The following SOX5 variants were observed in gnomAD, a reference collection of about 807,000 sequenced individuals.
SOX5 encodes SRY-box transcription factor 5.
Under a neutral mutation model 92.0 loss-of-function variants are expected in SOX5, and 9 were observed. That is an observed-to-expected ratio of 0.10 (90% CI 0.06 to 0.17). The LOEUF (loss-of-function observed/expected upper bound fraction) is 0.17, where lower values mean the gene tolerates loss of function less well. Ranked by LOEUF, SOX5 falls within the 10% of genes least tolerant of loss-of-function variation. SOX5 has a pLI of 1.00. For missense variants in SOX5, 642 were observed against 944.5 expected (o/e 0.68, Z 4.20); for synonymous variants, 344 against 336.3 (o/e 1.02, Z -0.25).
chr12:23,936,477 T>TATAC (rs1942580199), intron 1 of SOX5, among the ~76,000 whole-genome samples: 1 of 150,950 alleles, frequency 6.6e-6, no homozygotes, highest in Non-Finnish European at 1.5e-5. Context: ...TTAACTACTG[T>TATAC]AGCTTTTAAA....
At chr12:24,069,714 T>C (rs1305527863) in intron 4 of SOX5, among the ~76,000 whole-genome samples, 3 of 152,206 alleles carry the variant, frequency 2.0e-5, no homozygotes, top group African/African-American at 7.2e-5. Context: ...CTAATGCTTT[T>C]ACAAGGCTGG....
chr12:24,434,964 C>T (rs375257454), intron 1 of SOX5, among the ~76,000 whole-genome samples: 2 of 152,336 alleles, frequency 1.3e-5, no homozygotes, highest in East Asian at 1.9e-4. Flanking sequence ...GTTTTGCTTG[C>T]ATCCTTTCTC....
chr12:23,969,193 A>G (rs1947939480), intron 4 of SOX5, among the ~76,000 whole-genome samples: 2 of 152,154 alleles, frequency 1.3e-5, no homozygotes, highest in African/African-American at 4.8e-5. Context: ...CTATTTCCTA[A>G]GCATATCTCG....
chr12:24,371,937 G>A (rs375183427), intron 1 of SOX5, among the ~76,000 whole-genome samples: 8 of 151,914 alleles, frequency 5.3e-5, no homozygotes, highest in East Asian at 3.9e-4. Context: ...GCAGTGAGCC[G>A]AGATCATGCC....
chr12:24,217,380 G>T (rs542879071), intron 3 of SOX5, among the ~76,000 whole-genome samples: 88 of 152,308 alleles, frequency 5.8e-4, no homozygotes, highest in African/African-American at 1.9e-3. Context: ...TGACGTAAGA[G>T]AATTAGTGTT....
intron 3 of SOX5, among the ~76,000 whole-genome samples, chr12:24,252,452 C>T (rs11047330): frequency 0.15 from 22,812 of 151,516 alleles, 1,824 homozygotes; most frequent in Middle Eastern, 0.18. Context: ...TGAAAAGATT[C>T]GCTTTGGTGA....
intron 4 of SOX5, among the ~76,000 whole-genome samples, chr12:24,048,974 A>G (rs1283051196): frequency 6.6e-6 from 1 of 152,186 alleles, no homozygotes; most frequent in Non-Finnish European, 1.5e-5. Flanking sequence ...ATAATACTAA[A>G]AAAACCCACT....
intron 6 of SOX5, among the ~76,000 whole-genome samples, chr12:23,684,800 C>T (rs1175749662): frequency 6.6e-6 from 1 of 152,092 alleles, no homozygotes; most frequent in Non-Finnish European, 1.5e-5. Context: ...CCTAACTGTG[C>T]AACTGGCTTA....
intron 1 of SOX5, among the ~76,000 whole-genome samples, chr12:24,399,233 T>C (rs1356964220): frequency 6.6e-6 from 1 of 152,052 alleles, no homozygotes; most frequent in Non-Finnish European, 1.5e-5. Context: ...CTGAGCACAC[T>C]GCCTACAGCG....
intron 1 of SOX5, among the ~76,000 whole-genome samples, chr12:24,438,577 G>A (rs1939911949): frequency 6.6e-6 from 1 of 152,184 alleles, no homozygotes; most frequent in South Asian, 2.1e-4. Flanking sequence ...TGTGGTTCAT[G>A]AGAGGGGGTA....
At chr12:23,692,284 A>G (rs1256649943) in intron 6 of SOX5, among the ~76,000 whole-genome samples, 1 of 151,942 alleles carries the variant, frequency 6.6e-6, no homozygotes, top group Non-Finnish European at 1.5e-5. Flanking sequence ...AATTAAAAAA[A>G]AAATTAGACA....
intron 3 of SOX5, among the ~76,000 whole-genome samples, chr12:23,828,542 G>A (rs2096267740): frequency 6.6e-6 from 1 of 152,132 alleles, no homozygotes; most frequent in Non-Finnish European, 1.5e-5. Context: ...TGTTGTGTCA[G>A]TCTGTGCCAT....
At position 24,346,070 on chromosome 12, in the gene SOX5, G is replaced by A. The variant is rs376828936; in HGVS notation, c.-174+22493C>T. Reference sequence around the variant, plus strand: ...TCAACATTAAGTTTCAACTGTTCACGTCATCCCGTTAAGAATGTATTTCTG... The same window carrying A: ...TCAACATTAAGTTTCAACTGTTCACATCATCCCGTTAAGAATGTATTTCTG... On this transcript the variant is annotated intron_variant, in intron 2 of 4. Coordinates refer to the SOX5 transcript ENST00000446891. 3.9e-5 allele frequency among the ~76,000 whole-genome samples: 6 copies of A among 152,284 alleles called. No individual in the cohort carries two copies. In the East Asian group the frequency reaches 7.7e-4, roughly 20 times the overall value.
chr12:24,012,954 T>C (rs77791063), intron 4 of SOX5, among the ~76,000 whole-genome samples: 2,783 of 152,290 alleles, frequency 0.018, 102 homozygotes, highest in African/African-American at 0.064. Flanking sequence ...TAAGTAGCTA[T>C]TGCCATCTCA....
At chr12:24,125,585 GA>G (rs1188081018) in intron 4 of SOX5, among the ~76,000 whole-genome samples, 1 of 152,120 alleles carries the variant, frequency 6.6e-6, no homozygotes, top group Non-Finnish European at 1.5e-5. Context: ...GCAGTAAAAG[GA>G]AAACTTAGGG....
At chr12:24,095,600 A>G (rs535802216) in intron 4 of SOX5, among the ~76,000 whole-genome samples, 4 of 152,242 alleles carry the variant, frequency 2.6e-5, no homozygotes, top group South Asian at 4.1e-4. Flanking sequence ...AAATTGTATT[A>G]CAAGATTATC....
intron 4 of SOX5, among the ~76,000 whole-genome samples, chr12:24,057,909 T>C (rs1958290891): frequency 6.6e-6 from 1 of 152,322 alleles, no homozygotes. Flanking sequence ...CAACGTTAAT[T>C]TCTCCACAGT....
intron 1 of SOX5, among the ~76,000 whole-genome samples, chr12:24,464,588 G>T (rs190433861): frequency 6.6e-6 from 1 of 152,102 alleles, no homozygotes; most frequent in South Asian, 2.1e-4. Context: ...TGATCCACCC[G>T]CCTCGGCCTC....
chr12:24,061,459 C>T (rs1297647794), intron 4 of SOX5, among the ~76,000 whole-genome samples: 1 of 150,834 alleles, frequency 6.6e-6, no homozygotes, highest in Admixed American at 6.7e-5. Context: ...ATATGGAGGT[C>T]ATATCCATAA....
Sources: gnomAD v4.1 joint callset for allele counts (sites outside exome capture counted in the v4.1 genomes callset) on GRCh38, gnomAD v4.1.1 for gene constraint, MANE v1.5 for transcripts, NCBI Gene and HGNC (gene_info 2026-07-23, HGNC 2026-07-21) for gene names.